PGGT1B: variants seen among roughly 807,000 people sequenced by gnomAD.
The protein encoded by PGGT1B is protein geranylgeranyltransferase type I subunit beta.
In PGGT1B, 30 loss-of-function variants were observed where a neutral mutation model predicts 46.1. The observed-to-expected ratio is 0.65, with a 90% confidence interval of 0.49 to 0.88. The LOEUF is 0.88. Among genes scored for constraint, PGGT1B ranks in the 40% least tolerant of loss-of-function variants. The pLI, the probability that PGGT1B is intolerant of heterozygous loss-of-function variation, is 0.00. For synonymous variants in PGGT1B, 170 were observed against 160.0 expected, an observed-to-expected ratio of 1.06 and a Z score of -0.47; for missense variants, 376 against 455.9, an observed-to-expected ratio of 0.82 and a Z score of 1.60.
intron 6 of PGGT1B, among the ~76,000 whole-genome samples, chr5:115,226,707 A>G (rs1756795064): frequency 6.6e-6 from 1 of 152,150 alleles, no homozygotes; most frequent in Non-Finnish European, 1.5e-5. Context: ...ACATTGTACA[A>G]GGGCATATGG....
chr5:115,240,823 G>A (rs767720762), intron 3 of PGGT1B, among the ~76,000 whole-genome samples: 14 of 152,106 alleles, frequency 9.2e-5, no homozygotes, highest in Non-Finnish European at 1.8e-4. Context: ...AAGTTTCTAT[G>A]GTGTGAGGCC....
At chr5:115,229,757 T>A (rs1335251786) in intron 6 of PGGT1B, among the ~76,000 whole-genome samples, 1 of 152,146 alleles carries the variant, frequency 6.6e-6, no homozygotes, top group Non-Finnish European at 1.5e-5. Flanking sequence ...CAACTATAAC[T>A]ATATCCCTCT....
At chr5:115,260,153 A>C (rs183281875) in intron 1 of PGGT1B, among the ~76,000 whole-genome samples, 142 of 152,356 alleles carry the variant, frequency 9.3e-4, no homozygotes, top group African/African-American at 3.3e-3. Context: ...CTTTATTTTC[A>C]TAAAGTCATT....
intron 1 of PGGT1B, among the ~76,000 whole-genome samples, chr5:115,257,146 G>GGTT (rs1748355001): frequency 6.6e-6 from 1 of 151,624 alleles, no homozygotes; most frequent in Admixed American, 6.6e-5. Context: ...CAGACAAGAG[G>GGTT]GTTAACCTAA....
chr5:115,221,791 T>C (rs753912944), intron 7 of PGGT1B, 33 bp downstream of exon 7: 4 of 1,361,990 alleles, frequency 2.9e-6, no homozygotes, highest in East Asian at 4.7e-5. Context: ...GAACACAGAA[T>C]ATAGGTTTCT....
At chr5:115,239,988 A>G (rs1019633910) in intron 3 of PGGT1B, among the ~76,000 whole-genome samples, 3 of 152,232 alleles carry the variant, frequency 2.0e-5, no homozygotes, top group African/African-American at 4.8e-5. Context: ...TTTTATTCAT[A>G]TACTGTACTG....
chr5:115,240,800 C>G (rs1757324589), intron 3 of PGGT1B, among the ~76,000 whole-genome samples: 2 of 152,154 alleles, frequency 1.3e-5, no homozygotes, highest in South Asian at 4.1e-4. Context: ...GCAGGCTGGC[C>G]CCATCAGGGA....
chr5:115,230,042 G>C (rs934060481), intron 6 of PGGT1B, among the ~76,000 whole-genome samples: 1 of 152,080 alleles, frequency 6.6e-6, no homozygotes, highest in East Asian at 1.9e-4. Flanking sequence ...AGGAATATTT[G>C]TTAGAAATAT....
intron 2 of PGGT1B, among the ~76,000 whole-genome samples, chr5:115,244,977 C>G (rs987340687): frequency 6.6e-6 from 1 of 152,152 alleles, no homozygotes; most frequent in Non-Finnish European, 1.5e-5. Context: ...ATGATTAAAA[C>G]ATTTTTAAAT....
In PGGT1B at chr5:115,216,775, T is replaced by C. The variant is rs545165976; in HGVS notation, c.952+90A>G. The C allele has an allele frequency of 2.1e-5, 15 of 722,392 alleles. No individual in the cohort carries two copies. The East Asian group carries it at 3.1e-4, about 15-fold the overall frequency. The allele number at this position is 722,392 out of a possible 1,614,324, so 44.7% of individuals were successfully genotyped here. On this transcript the variant is annotated intron_variant, in intron 8 of 8. Transcript: ENST00000419445. ...TTTAATGTAACTTTGCAACTGGATA[T>C]ATTTTCTATCATATGCCTTTTCTGA...
chr5:115,229,833 G>A lies in PGGT1B; in HGVS notation c.658+1143C>T, dbSNP rs987796828. On this transcript the variant is annotated intron_variant, in intron 6 of 8. Transcript: ENST00000419445. ...AGCTCCTCCCACCCTCCATCTCATA[G>A]AGACTCAGGCACACACAAAAACTAT... Among the ~76,000 whole-genome samples the A allele has an allele frequency of 7.2e-5, 11 of 152,130 alleles. 1 individual carries two copies. The highest frequency in any genetic ancestry group is 2.0e-4 in the Admixed American group (3 of 15,264).
intron 6 of PGGT1B, among the ~76,000 whole-genome samples, chr5:115,228,410 T>A (rs1472018057): frequency 6.6e-6 from 1 of 152,176 alleles, no homozygotes; most frequent in Non-Finnish European, 1.5e-5. Flanking sequence ...ACATAGGTCG[T>A]TTATAAAATA....
At chr5:115,250,319 G>A (rs1272033443) in intron 2 of PGGT1B, among the ~76,000 whole-genome samples, 1 of 152,146 alleles carries the variant, frequency 6.6e-6, no homozygotes. Flanking sequence ...GCCAGATGAG[G>A]TCCTAGGCTA....
chr5:115,206,213 A>G lies in PGGT1B; in HGVS notation c.*6189T>C, dbSNP rs1026081438. On this transcript the variant is annotated 3_prime_UTR_variant, in exon 9 of 9. Transcript: ENST00000419445. ...TATTTAAAGAATATTCTCTATTTCTATATCTCTATATACAGAGATTAAAGG... is the reference window on the plus strand; with the variant it reads ...TATTTAAAGAATATTCTCTATTTCTGTATCTCTATATACAGAGATTAAAGG... 2 of 151,956 alleles carry G rather than the reference A, an allele frequency of 1.3e-5. No individual in the cohort carries two copies. The highest frequency in any genetic ancestry group is 2.4e-5 in the African/African-American group (1 of 41,444). 9.4% of individuals were successfully genotyped at this position (151,956 alleles called of 1,614,324 possible).
chr5:115,238,076 T>A, intron 3 of PGGT1B, 67 bp from the exon 4 acceptor site: 1 of 1,160,208 alleles, frequency 8.6e-7, no homozygotes, highest in Non-Finnish European at 1.2e-6. Context: ...TTAAGAAATC[T>A]GACATAAGGT....
chr5:115,214,636 A>T (rs1288028665), intron 8 of PGGT1B, among the ~76,000 whole-genome samples: 1 of 152,234 alleles, frequency 6.6e-6, no homozygotes, highest in African/African-American at 2.4e-5. Flanking sequence ...ATGTATCTGT[A>T]AAAAGTAAGT....
At chr5:115,213,740 C>CTA (rs1239380032) in intron 8 of PGGT1B, among the ~76,000 whole-genome samples, 1 of 152,178 alleles carries the variant, frequency 6.6e-6, no homozygotes, top group African/African-American at 2.4e-5. Context: ...TCACTGCACT[C>CTA]TAGCCTGGGC....
Position 115,212,437 on chromosome 5 carries a change from T to G in PGGT1B, c.1099A>C (p.Lys367Gln), listed in dbSNP as rs746247403. The G allele has an allele frequency of 7.4e-6, 12 of 1,612,880 alleles. No individual in the cohort carries two copies. The highest frequency in any genetic ancestry group is 1.0e-5 in the Non-Finnish European group (12 of 1,179,642). ...LHQSWKTKDSKQCSENVHIST is the reference protein window; with the variant it reads ...LHQSWKTKDSQQCSENVHIST ...ATATGTACATTCTCTGAGCATTGTT[T>G]AGAGTCCTTGGTTTTCCAGCTTTGA... Residue 367 changes from lysine (K) to glutamine (Q), a missense_variant, in exon 9 of 9, where the codon AAA becomes CAA. Transcript: ENST00000419445.
At chr5:115,224,183 A>G (rs1756684247) in intron 6 of PGGT1B, among the ~76,000 whole-genome samples, 1 of 152,178 alleles carries the variant, frequency 6.6e-6, no homozygotes, top group African/African-American at 2.4e-5. Flanking sequence ...TCCTTTTCAA[A>G]TGACTCACTA....
Sources: allele counts gnomAD v4.1 joint callset (sites outside exome capture counted in the v4.1 genomes callset), GRCh38; gene constraint gnomAD v4.1.1; transcripts MANE v1.5; gene names NCBI Gene and HGNC (gene_info 2026-07-23, HGNC 2026-07-21).